The following XYLB variants were observed in gnomAD, a reference collection of about 807,000 sequenced individuals.
The protein encoded by XYLB is xylulokinase.
In XYLB, 62 loss-of-function variants were observed where a neutral mutation model predicts 78.7. That is an observed-to-expected ratio of 0.79 (90% CI 0.64 to 0.97). XYLB has a LOEUF of 0.97. XYLB is among the 50% of genes least tolerant of loss of function. XYLB has a pLI of 0.00. For synonymous variants in XYLB, 245 were observed against 247.4 expected (o/e 0.99, Z 0.09); for missense variants, 687 against 676.8 (o/e 1.02, Z -0.17).
chr3:38,429,226 T>A, the XYLB span, among the ~76,000 whole-genome samples: 2 of 152,130 alleles, frequency 1.3e-5, no homozygotes, highest in East Asian at 3.9e-4. Flanking sequence ...TGACTTCTCA[T>A]CCTGCCCACC....
At chr3:38,435,926 G>T in the XYLB span, among the ~76,000 whole-genome samples, 7 of 152,214 alleles carry the variant, frequency 4.6e-5, no homozygotes, top group South Asian at 1.4e-3. Context: ...GTGGGATACA[G>T]CAAAAGTAGT....
At chr3:38,421,352 T>G (rs1390606897), downstream of XYLB, 1 of 152,286 alleles carries the variant, frequency 6.6e-6, no homozygotes, top group East Asian at 1.9e-4. Context: ...CGAGTACTGT[T>G]AAAGCAATCC....
Position 38,368,273 on chromosome 3 carries a change from T to A in XYLB, c.646+16T>A. 2 of 1,613,326 alleles carry A rather than the reference T, an allele frequency of 1.2e-6. No homozygotes were observed. The highest frequency in any genetic ancestry group is 2.2e-5 in the South Asian group (2 of 91,066). On this transcript the variant is annotated intron_variant, in intron 8 of 18. Transcript: ENST00000207870. ...TACAGTGATGGTGAGCCTCGGGGTA[T>A]GGGGTGGGTGCCTGGGCAGTGTGCA...
In XYLB at chr3:38,414,950, C is replaced by T. The variant is rs916892518; in HGVS notation, c.*1937C>T. 1 of 152,094 alleles carries T rather than the reference C, an allele frequency of 6.6e-6. No individual in the cohort carries two copies. The highest frequency in any genetic ancestry group is 1.5e-5 in the Non-Finnish European group (1 of 68,016). 9.4% of individuals were successfully genotyped at this position (152,094 alleles called of 1,614,324 possible). A position where few individuals can be genotyped will look rare whatever the true frequency, so the allele number is the denominator to read the frequency against. ...AATATTTAAAATTCAAATATTAAAA[C>T]TCAAATAAACCCCAAAGAACTTTTG... On this transcript the variant is annotated 3_prime_UTR_variant, in exon 19 of 19. Transcript: ENST00000207870.
At chr3:38,434,105 G>A in the XYLB span, among the ~76,000 whole-genome samples, 1 of 152,164 alleles carries the variant, frequency 6.6e-6, no homozygotes, top group African/African-American at 2.4e-5. Context: ...ATCAGATCTT[G>A]TGAGAACTCA....
chr3:38,451,268 G>T, the XYLB span: 1 of 152,192 alleles, frequency 6.6e-6, no homozygotes, highest in South Asian at 2.1e-4. Context: ...TCAGTTCTTT[G>T]ATACTTTTTG....
intron 10 of XYLB, among the ~76,000 whole-genome samples, chr3:38,373,792 G>T (rs548680945): frequency 6.6e-6 from 1 of 152,316 alleles, no homozygotes; most frequent in South Asian, 2.1e-4. Flanking sequence ...TCAGCATTTA[G>T]TGAGTGCCTA....
chr3:38,418,627 T>C (rs1054401346), downstream of XYLB, among the ~76,000 whole-genome samples: 1 of 152,238 alleles, frequency 6.6e-6, no homozygotes, highest in Non-Finnish European at 1.5e-5. Flanking sequence ...GAGGAAGATC[T>C]CTATGTACCA....
chr3:38,385,730 C>A (rs1707356165), intron 15 of XYLB, among the ~76,000 whole-genome samples: 1 of 152,154 alleles, frequency 6.6e-6, no homozygotes, highest in African/African-American at 2.4e-5. Flanking sequence ...AAGTTTCAGG[C>A]TCATCTTGTT....
intron 18 of XYLB, among the ~76,000 whole-genome samples, chr3:38,405,781 G>C (rs1051213506): frequency 6.6e-6 from 1 of 152,256 alleles, no homozygotes; most frequent in Non-Finnish European, 1.5e-5. Flanking sequence ...CTTGCTGATT[G>C]CTAGCACAGC....
chr3:38,393,643 C>T (rs147242493), intron 15 of XYLB, among the ~76,000 whole-genome samples: 298 of 152,248 alleles, frequency 2.0e-3, no homozygotes, highest in African/African-American at 6.1e-3. Flanking sequence ...ATCAAGGTGT[C>T]GGCAGGGTTA....
chr3:38,362,681 A>C (rs1706037646), intron 3 of XYLB, among the ~76,000 whole-genome samples: 1 of 152,226 alleles, frequency 6.6e-6, no homozygotes, highest in Non-Finnish European at 1.5e-5. Flanking sequence ...AAAATGGAGA[A>C]GTAAAATTTG....
chr3:38,397,670 G>A (rs1053072003), intron 17 of XYLB, among the ~76,000 whole-genome samples: 2 of 152,100 alleles, frequency 1.3e-5, no homozygotes, highest in East Asian at 3.9e-4. Flanking sequence ...GTTCTGGCAG[G>A]AGCAGCACCT....
At chr3:38,403,694 T>C (rs1268811744) in intron 18 of XYLB, among the ~76,000 whole-genome samples, 1 of 152,132 alleles carries the variant, frequency 6.6e-6, no homozygotes, top group Admixed American at 6.5e-5. Flanking sequence ...GGTCTGGCTC[T>C]TTCATTCTAT....
At chr3:38,421,153 C>G (rs1034240564), downstream of XYLB, 5 of 152,254 alleles carry the variant, frequency 3.3e-5, no homozygotes, top group Middle Eastern at 3.2e-3. Context: ...CAGCTCTGAA[C>G]GCTGTCACCC....
chr3:38,413,236 C>G lies in XYLB; in HGVS notation c.*223C>G, dbSNP rs1708671214. On this transcript the variant is annotated 3_prime_UTR_variant, in exon 19 of 19. Transcript: ENST00000207870. ...CGTGTGCCCCAGGGCAGGAAAGCAT[C>G]TCTCTTTTCCTGTCTTTTATCCCAG... 2.3e-6 allele frequency: 1 copy of G among 442,758 alleles called. No homozygotes were observed. Among genetic ancestry groups the G allele is most frequent in the South Asian group, 6.0e-5 (1 of 16,668 alleles). The allele number at this position is 442,758 out of a possible 1,614,324, so 27.4% of individuals were successfully genotyped here. A position where few individuals can be genotyped will look rare whatever the true frequency, so the allele number is the denominator to read the frequency against.
intron 2 of XYLB, among the ~76,000 whole-genome samples, chr3:38,353,447 A>G (rs1413644060): frequency 2.6e-5 from 4 of 152,030 alleles, no homozygotes; most frequent in Admixed American, 1.3e-4. Context: ...CTGGAACCAC[A>G]GGTGCGCCCC....
At chr3:38,436,897 G>A in the XYLB span, among the ~76,000 whole-genome samples, 2 of 151,688 alleles carry the variant, frequency 1.3e-5, no homozygotes, top group African/African-American at 4.8e-5. Context: ...CCAGCTACTT[G>A]GGAGGCTGAG....
chr3:38,415,412 T>C (rs768536176), downstream of XYLB, among the ~76,000 whole-genome samples: 1 of 152,188 alleles, frequency 6.6e-6, no homozygotes, highest in Non-Finnish European at 1.5e-5. Flanking sequence ...CCATTGAATA[T>C]CTTTGTAGAT....
Sources: allele counts gnomAD v4.1 joint callset (sites outside exome capture counted in the v4.1 genomes callset), GRCh38; gene constraint gnomAD v4.1.1; transcripts MANE v1.5; gene names NCBI Gene and HGNC (gene_info 2026-07-23, HGNC 2026-07-21).